SLC8A3: variants seen among roughly 807,000 people sequenced by gnomAD.
SLC8A3 encodes the protein solute carrier family 8 member A3.
SLC8A3 carries 37 observed loss-of-function variants against 65.4 expected under a neutral mutation model. The ratio of observed to expected loss-of-function variants is 0.57; its 90% CI spans 0.44 to 0.74. The LOEUF is 0.74. Among genes scored for constraint, SLC8A3 ranks in the 30% least tolerant of loss-of-function variants. The pLI is 0.00. For synonymous variants in SLC8A3, 461 were observed against 444.5 expected, an observed-to-expected ratio of 1.04 and a Z score of -0.47; for missense variants, 1,112 against 1,172.1, an observed-to-expected ratio of 0.95 and a Z score of 0.75.
chr14:70,067,254 AGGCCTTCCAT>A (rs1594925176), intron 2 of SLC8A3, among the ~76,000 whole-genome samples: 1 of 152,256 alleles, frequency 6.6e-6, no homozygotes, highest in East Asian at 1.9e-4. Flanking sequence ...CTCTTCGGAG[AGGCCTTCCAT>A]GGCTACCTTA....
At chr14:70,153,298 G>C (rs985403828) in intron 2 of SLC8A3, among the ~76,000 whole-genome samples, 7 of 152,114 alleles carry the variant, frequency 4.6e-5, no homozygotes, top group Admixed American at 4.6e-4. Flanking sequence ...CTAGAAATGG[G>C]GAAGAACCGG....
chr14:70,044,302 A>G lies in SLC8A3; in HGVS notation c.*1645T>C, dbSNP rs1422899122. The G allele has an allele frequency of 1.3e-5, 2 of 152,062 alleles. No individual in the cohort carries two copies. Among genetic ancestry groups the G allele is most frequent in the Non-Finnish European group, 2.9e-5 (2 of 68,018 alleles). 9.4% of individuals were successfully genotyped at this position (152,062 alleles called of 1,614,324 possible). A position where few individuals can be genotyped will look rare whatever the true frequency, so the allele number is the denominator to read the frequency against. On this transcript the variant is annotated 3_prime_UTR_variant, in exon 7 of 7. Transcript: ENST00000356921. ...GGCAACTGTCAACATAGCTTATGACATGAGCACTGTTTCTTTTTTAATTAT... is the reference window on the plus strand; with the variant it reads ...GGCAACTGTCAACATAGCTTATGACGTGAGCACTGTTTCTTTTTTAATTAT...
intron 2 of SLC8A3, among the ~76,000 whole-genome samples, chr14:70,085,667 A>C (rs1891379837): frequency 6.6e-6 from 1 of 152,254 alleles, no homozygotes; most frequent in Admixed American, 6.5e-5. Context: ...GAAAGCAGAC[A>C]TGTAAGCAGA....
chr14:70,168,227 C>G lies in SLC8A3; in HGVS notation c.196G>C (p.Glu66Gln), dbSNP rs777836756. The G allele has an allele frequency of 2.5e-6, 4 of 1,614,160 alleles. No homozygotes were observed. Among genetic ancestry groups the G allele is most frequent in the Non-Finnish European group, 3.4e-6 (4 of 1,180,026 alleles). ...EGVILPIWYP[E>Q]NPSLGDKIAR... ...ATCTTGTCCCCAAGGGAAGGGTTCT[C>G]CGGGTACCAGATTGGCAGGATGACA... is the stretch of plus-strand genomic sequence containing the variant. Residue 66 changes from glutamate to glutamine, a missense_variant, in exon 2 of 7, where the codon GAG (glutamate) becomes CAG (glutamine). Coordinates refer to ENST00000356921, the MANE Select transcript of SLC8A3 (RefSeq NM_182932.3).
intron 3 of SLC8A3, among the ~76,000 whole-genome samples, chr14:70,052,811 C>A (rs1887655333): frequency 6.6e-6 from 1 of 152,176 alleles, no homozygotes; most frequent in Non-Finnish European, 1.5e-5. Context: ...GCAATTATTT[C>A]TTTTATTCAG....
At position 70,167,938 on chromosome 14, in the gene SLC8A3, G is replaced by A; in HGVS notation, c.485C>T (p.Ala162Val). 6.2e-7 allele frequency: 1 copy of A among 1,614,144 alleles called. No homozygotes were observed. The change falls in exon 2 of 7, where the codon GCT becomes GTT. Residue 162 changes from alanine to valine, a missense_variant. Coordinates refer to ENST00000356921, the MANE Select transcript of SLC8A3 (RefSeq NM_182932.3). ...LIEVCGHGFI[A>V]GDLGPSTIVG... ...AATGGTAGAAGGTCCCAGATCACCA[G>A]CAATGAACCCATGACCACACACCTC...
intron 1 of SLC8A3, among the ~76,000 whole-genome samples, chr14:70,176,290 C>T (rs926364697): frequency 2.6e-5 from 4 of 152,172 alleles, no homozygotes; most frequent in Non-Finnish European, 5.9e-5. Flanking sequence ...TCTACATCTG[C>T]GTTTAAGTCA....
intron 2 of SLC8A3, among the ~76,000 whole-genome samples, chr14:70,099,038 A>G (rs1041118739): frequency 1.3e-5 from 2 of 152,172 alleles, no homozygotes; most frequent in Non-Finnish European, 2.9e-5. Context: ...AGGTGGTTCA[A>G]TGATCCCCAG....
intron 2 of SLC8A3, among the ~76,000 whole-genome samples, chr14:70,150,191 C>T (rs551369544): frequency 1.3e-5 from 2 of 152,276 alleles, no homozygotes; most frequent in South Asian, 2.1e-4. Context: ...AGACTAGGCA[C>T]TATGCTAAAC....
chr14:70,063,951 T>A, intron 2 of SLC8A3: 1 of 1,381,210 alleles, frequency 7.2e-7, no homozygotes, highest in Non-Finnish European at 1.0e-6. Context: ...AAAATAAGTA[T>A]CATAAGCAAG....
intron 2 of SLC8A3, among the ~76,000 whole-genome samples, chr14:70,093,401 T>A (rs1375913123): frequency 6.6e-6 from 1 of 152,184 alleles, no homozygotes; most frequent in Non-Finnish European, 1.5e-5. Flanking sequence ...AGCTGTGTGG[T>A]CCTGGGAAAG....
chr14:70,073,092 C>T (rs1890160325), intron 2 of SLC8A3, among the ~76,000 whole-genome samples: 1 of 151,180 alleles, frequency 6.6e-6, no homozygotes, highest in African/African-American at 2.4e-5. Context: ...CTTCCTTCCA[C>T]TCTTCCATAA....
intron 1 of SLC8A3, among the ~76,000 whole-genome samples, chr14:70,185,325 A>G (rs1175600366): frequency 6.6e-6 from 1 of 152,228 alleles, no homozygotes; most frequent in Non-Finnish European, 1.5e-5. Context: ...TGTGTGACAC[A>G]TTTCCCAAAT....
At chr14:70,187,666 T>G (rs2140471995) in intron 1 of SLC8A3, among the ~76,000 whole-genome samples, 1 of 143,954 alleles carries the variant, frequency 6.9e-6, no homozygotes, top group South Asian at 2.3e-4. Flanking sequence ...TGTTGGGGGA[T>G]CGGGGGAGGG....
At chr14:70,126,245 C>A (rs773044113) in intron 2 of SLC8A3, among the ~76,000 whole-genome samples, 43 of 152,216 alleles carry the variant, frequency 2.8e-4, no homozygotes, top group Admixed American at 6.5e-4. Context: ...CTTCTTCAAT[C>A]AATCAATCAA....
chr14:70,166,454 A>C (rs553917123), intron 2 of SLC8A3, among the ~76,000 whole-genome samples, 185 bp downstream of exon 2: 80 of 152,338 alleles, frequency 5.3e-4, no homozygotes, highest in African/African-American at 1.8e-3. Flanking sequence ...AAGTGAGAAA[A>C]CTGAAGAAGA....
At chr14:70,156,477 G>T (rs374019033) in intron 2 of SLC8A3, among the ~76,000 whole-genome samples, 1 of 152,122 alleles carries the variant, frequency 6.6e-6, no homozygotes, top group Admixed American at 6.5e-5. Context: ...ACAACTGAGC[G>T]CAGATACAGC....
chr14:70,174,651 GTTTTTTT>G (rs1286502376), intron 1 of SLC8A3, among the ~76,000 whole-genome samples: 1 of 90,364 alleles, frequency 1.1e-5, no homozygotes, highest in African/African-American at 4.9e-5. Context: ...GACCAAATCC[GTTTTTTT>G]TTTGTTTTTT....
At chr14:70,177,050 G>C (rs968182459) in intron 1 of SLC8A3, among the ~76,000 whole-genome samples, 2 of 152,210 alleles carry the variant, frequency 1.3e-5, no homozygotes, top group Non-Finnish European at 2.9e-5. Context: ...ATTATGCTGA[G>C]AAGGTTAATT....
Sources: gnomAD v4.1 joint callset for allele counts (sites outside exome capture counted in the v4.1 genomes callset) on GRCh38, gnomAD v4.1.1 for gene constraint, MANE v1.5 for transcripts, NCBI Gene and HGNC (gene_info 2026-07-23, HGNC 2026-07-21) for gene names.